Variants in ALOX5AP observed in about 807,000 individuals in gnomAD.
The protein encoded by ALOX5AP is arachidonate 5-lipoxygenase-activating protein.
In ALOX5AP, 9 loss-of-function variants were observed where a neutral mutation model predicts 18.5. The ratio of observed to expected loss-of-function variants is 0.49; its 90% CI spans 0.29 to 0.85. The LOEUF is 0.85. Ranked by LOEUF, ALOX5AP falls within the 40% of genes least tolerant of loss-of-function variation. ALOX5AP has a pLI of 0.08. For missense variants in ALOX5AP, 172 were observed against 202.5 expected (o/e 0.85, Z 0.91); for synonymous variants, 81 against 78.6 (o/e 1.03, Z -0.16).
At chr13:30,744,552 C>G (rs1451076566) in intron 2 of ALOX5AP, among the ~76,000 whole-genome samples, 2 of 152,188 alleles carry the variant, frequency 1.3e-5, no homozygotes, top group African/African-American at 2.4e-5. Context: ...TGACGACAGC[C>G]TTCAACTCAC....
chr13:30,740,359 C>T (rs745779497), intron 1 of ALOX5AP, among the ~76,000 whole-genome samples: 1 of 152,194 alleles, frequency 6.6e-6, no homozygotes, highest in Non-Finnish European at 1.5e-5. Context: ...TAACCTCCAC[C>T]TGTGGTTGCT....
At chr13:30,749,593 C>T (rs1308016386) in intron 2 of ALOX5AP, among the ~76,000 whole-genome samples, 7 of 152,186 alleles carry the variant, frequency 4.6e-5, no homozygotes, top group Admixed American at 2.0e-4. Flanking sequence ...CCTGTTTATT[C>T]ACTAAGCACT....
At chr13:30,722,692 C>T (rs1031593133) in intron 1 of ALOX5AP, among the ~76,000 whole-genome samples, 1 of 152,126 alleles carries the variant, frequency 6.6e-6, no homozygotes, top group African/African-American at 2.4e-5. Context: ...ACATTTTATC[C>T]CTAATATTGG....
chr13:30,751,145 C>A (rs983027470), intron 2 of ALOX5AP, among the ~76,000 whole-genome samples: 2 of 152,136 alleles, frequency 1.3e-5, no homozygotes, highest in South Asian at 2.1e-4. Context: ...CTCGCTGCAA[C>A]CTCCGCCTCC....
chr13:30,742,508 G>A (rs1951775115), intron 1 of ALOX5AP: 1 of 152,174 alleles, frequency 6.6e-6, no homozygotes, highest in African/African-American at 2.4e-5. Context: ...ACTACCCATT[G>A]CACAGAGTGG....
At chr13:30,745,328 C>T (rs967970879) in intron 2 of ALOX5AP, among the ~76,000 whole-genome samples, 3 of 152,194 alleles carry the variant, frequency 2.0e-5, no homozygotes, top group Admixed American at 1.3e-4. Flanking sequence ...GCTCCGAAAT[C>T]GCTGGGCCAC....
upstream of ALOX5AP, among the ~76,000 whole-genome samples, chr13:30,732,039 C>A (rs1475358680): frequency 1.3e-5 from 2 of 152,206 alleles, no homozygotes. Flanking sequence ...TCTTAATGTG[C>A]GCGCTGTAAT....
intron 4 of ALOX5AP, among the ~76,000 whole-genome samples, chr13:30,756,487 A>G (rs1330894129): frequency 6.6e-6 from 1 of 152,184 alleles, no homozygotes. Flanking sequence ...CAGAAGAAAG[A>G]ATGTTGGGAA....
intron 2 of ALOX5AP, 87 bp downstream of exon 2, chr13:30,744,246 A>G (rs1951791001): frequency 1.7e-6 from 2 of 1,210,108 alleles, no homozygotes; most frequent in African/African-American, 3.0e-5. Flanking sequence ...TTAATACCAC[A>G]TGTCTGTCTG....
intron 1 of ALOX5AP, among the ~76,000 whole-genome samples, chr13:30,727,581 C>A (rs1951648782): frequency 1.3e-5 from 2 of 152,080 alleles, no homozygotes; most frequent in Non-Finnish European, 2.9e-5. Flanking sequence ...CTAAGCAGGT[C>A]GGGGAGGGCA....
At chr13:30,734,375 G>A (rs1951704405), upstream of ALOX5AP, among the ~76,000 whole-genome samples, 1 of 152,164 alleles carries the variant, frequency 6.6e-6, no homozygotes, top group Admixed American at 6.6e-5. Flanking sequence ...CCTCTTCCGT[G>A]CCGAGATGCA....
At chr13:30,723,016 T>C (rs1233410945) in intron 1 of ALOX5AP, among the ~76,000 whole-genome samples, 1 of 152,226 alleles carries the variant, frequency 6.6e-6, no homozygotes, top group South Asian at 2.1e-4. Context: ...TTTATAATTA[T>C]CCAGTCTCAG....
intron 1 of ALOX5AP, among the ~76,000 whole-genome samples, chr13:30,736,118 A>C (rs1329186776): frequency 6.6e-6 from 1 of 152,216 alleles, no homozygotes; most frequent in East Asian, 1.9e-4. Flanking sequence ...TCTAAAAAGA[A>C]AGTGATTTTG....
At chr13:30,739,057 G>A (rs1195774277) in intron 1 of ALOX5AP, among the ~76,000 whole-genome samples, 1 of 152,032 alleles carries the variant, frequency 6.6e-6, no homozygotes, top group African/African-American at 2.4e-5. Context: ...CCCAAAGCAG[G>A]AATCTTCCTT....
chr13:30,744,425 A>G, intron 2 of ALOX5AP: 1 of 358,496 alleles, frequency 2.8e-6, no homozygotes, highest in Non-Finnish European at 5.3e-6. Context: ...GAAAGATCTG[A>G]AAGAGTCATT....
chr13:30,752,205 G>T, intron 3 of ALOX5AP, 83 bp downstream of exon 3: 1 of 1,412,774 alleles, frequency 7.1e-7, no homozygotes, highest in South Asian at 1.2e-5. Context: ...TTGTTGAAAG[G>T]ACTTTGCCTG....
chr13:30,723,361 C>A (rs1386452787), intron 1 of ALOX5AP, among the ~76,000 whole-genome samples: 1 of 152,234 alleles, frequency 6.6e-6, no homozygotes, highest in African/African-American at 2.4e-5. Flanking sequence ...AAAAGACTAT[C>A]TTTGCTCCAC....
rs78746211 is a variant in ALOX5AP at position 30,744,256 on chromosome 13, G to A, written c.170+97G>A. ...CACCCTTAATACCACATGTCTGTCT[G>A]AGCCAAGTTTCTGAGCGCCAGGGAG... On this transcript the variant is annotated intron_variant, in intron 2 of 4. Coordinates refer to ENST00000380490, the MANE Select transcript of ALOX5AP (RefSeq NM_001629.4). The A allele has an allele frequency of 8.6e-4, 976 of 1,133,184 alleles. 4 individuals carry two copies. The African/African-American group carries it at 0.013, about 16-fold the overall frequency. The allele number at this position is 1,133,184 out of a possible 1,614,324, so 70.2% of individuals were successfully genotyped here. A position where few individuals can be genotyped will look rare whatever the true frequency, so the allele number is the denominator to read the frequency against.
At chr13:30,746,032 C>T (rs1427984480) in intron 2 of ALOX5AP, among the ~76,000 whole-genome samples, 1 of 152,178 alleles carries the variant, frequency 6.6e-6, no homozygotes, top group African/African-American at 2.4e-5. Flanking sequence ...TGGAGCAGGC[C>T]AGGCTGTGTA....
Sources: gnomAD v4.1 joint callset for allele counts (sites outside exome capture counted in the v4.1 genomes callset) on GRCh38, gnomAD v4.1.1 for gene constraint, MANE v1.5 for transcripts, NCBI Gene and HGNC (gene_info 2026-07-23, HGNC 2026-07-21) for gene names.